The following NR5A2 variants were observed in gnomAD, a reference collection of about 807,000 sequenced individuals.
NR5A2 encodes the protein nuclear receptor subfamily 5 group A member 2.
In NR5A2, 26 loss-of-function variants were observed where a neutral mutation model predicts 62.7. The ratio of observed to expected loss-of-function variants is 0.41; its 90% CI spans 0.30 to 0.58. NR5A2 has a LOEUF of 0.58. Among genes scored for constraint, NR5A2 ranks in the 20% least tolerant of loss-of-function variants. The pLI is 0.22. For missense variants in NR5A2, 541 were observed against 669.1 expected (o/e 0.81, Z 2.11); for synonymous variants, 246 against 241.7 (o/e 1.02, Z -0.16).
chr1:200,054,347 CT>C (rs200167494), intron 5 of NR5A2, among the ~76,000 whole-genome samples: 6 of 148,452 alleles, frequency 4.0e-5, no homozygotes, highest in East Asian at 1.9e-4. Context: ...AGAAGATTGG[CT>C]TTTTTTTTCA....
intron 2 of NR5A2, among the ~76,000 whole-genome samples, chr1:200,040,708 G>T (rs1364746669): frequency 6.6e-6 from 1 of 152,228 alleles, no homozygotes. Context: ...ATCCCGGAAC[G>T]CTTCCTGCCA....
At chr1:200,114,705 G>A (rs1364310068) in intron 6 of NR5A2, among the ~76,000 whole-genome samples, 1 of 152,156 alleles carries the variant, frequency 6.6e-6, no homozygotes, top group African/African-American at 2.4e-5. Context: ...TGACATTTAT[G>A]GAGTCAACAA....
chr1:200,069,594 T>C (rs999337319), intron 5 of NR5A2, among the ~76,000 whole-genome samples: 1 of 152,214 alleles, frequency 6.6e-6, no homozygotes, highest in South Asian at 2.1e-4. Flanking sequence ...GTATTGCATA[T>C]AGATACAAGT....
Position 200,048,358 on chromosome 1 carries a change from A to G in NR5A2, c.650A>G (p.His217Arg). The G allele has an allele frequency of 6.2e-7, 1 of 1,613,612 alleles. No individual in the cohort carries two copies. The highest frequency in any genetic ancestry group is 8.5e-7 in the Non-Finnish European group (1 of 1,179,888). ...ATTTCCTCTGCAATTCAAAACATCC[A>G]CTCTGCCTCCAAAGGCCTACCTCTG... ...LTISSAIQNI[H>R]SASKGLPLNH... The change falls in exon 5 of 8, where the codon CAC (histidine) becomes CGC (arginine). Residue 217 changes from histidine (H) to arginine (R), a missense_variant. Physicochemically the swap from His to Arg is conservative, Grantham distance 29. Transcript: ENST00000367362. The surrounding 1 kb of genome is among the most constrained non-coding windows in gnomAD (Gnocchi z 4.8).
intron 5 of NR5A2, among the ~76,000 whole-genome samples, chr1:200,101,713 T>C (rs766888849): frequency 3.2e-4 from 49 of 152,214 alleles, no homozygotes; most frequent in Non-Finnish European, 5.4e-4. Context: ...TATGTGGCTA[T>C]ATATGGAAAC....
In NR5A2 at chr1:200,114,182, C is replaced by CAAAA. The variant is rs1189398872; in HGVS notation, c.1230+2866_1230+2869dup. ...TTGGCAACAGAGCAAGACGCCATCT[C>CAAAA]AAAAAAAATAATAGAAAAGAGGTGG... On this transcript the variant is annotated intron_variant, in intron 6 of 7. Coordinates refer to ENST00000367362, the MANE Select transcript of NR5A2 (RefSeq NM_205860.3). Among the ~76,000 whole-genome samples the CAAAA allele has an allele frequency of 9.8e-5, 3 of 30,638 alleles. No individual in the cohort carries two copies. The East Asian group carries it at 0.012, about 123-fold the overall frequency. The allele number at this position is 30,638 out of a possible 152,430, so 20.1% of individuals were successfully genotyped here.
intron 5 of NR5A2, among the ~76,000 whole-genome samples, chr1:200,089,615 G>T (rs746400038): frequency 6.6e-6 from 1 of 152,088 alleles, no homozygotes; most frequent in Non-Finnish European, 1.5e-5. Context: ...GACTATAGGC[G>T]TGTGCCACCA....
chr1:200,168,638 C>A (rs1654026204), intron 7 of NR5A2, among the ~76,000 whole-genome samples: 1 of 152,072 alleles, frequency 6.6e-6, no homozygotes. Context: ...AATTTAAAAT[C>A]TTGAGTTTCA....
chr1:200,110,512 A>G (rs1665892752), intron 5 of NR5A2, among the ~76,000 whole-genome samples: 1 of 152,122 alleles, frequency 6.6e-6, no homozygotes, highest in Non-Finnish European at 1.5e-5. Flanking sequence ...TCAGGAAGAT[A>G]CTTACTGTTC....
intron 6 of NR5A2, among the ~76,000 whole-genome samples, chr1:200,113,087 G>A (rs1188695109): frequency 1.3e-5 from 2 of 152,196 alleles, no homozygotes; most frequent in African/African-American, 4.8e-5. Context: ...AACAATCAAG[G>A]AATGGATGGT....
chr1:200,158,361 G>T (rs1653479172), intron 7 of NR5A2, among the ~76,000 whole-genome samples: 2 of 152,130 alleles, frequency 1.3e-5, no homozygotes, highest in Admixed American at 1.3e-4. Context: ...GTAGATGCAA[G>T]GGGTTTAATA....
At chr1:200,137,260 C>G (rs1037066187) in intron 7 of NR5A2, among the ~76,000 whole-genome samples, 2 of 152,042 alleles carry the variant, frequency 1.3e-5, no homozygotes, top group African/African-American at 2.4e-5. Context: ...AAGCAGTTCT[C>G]CTGCCTCAGC....
chr1:200,089,577 C>T (rs904468496), intron 5 of NR5A2, among the ~76,000 whole-genome samples: 3 of 152,226 alleles, frequency 2.0e-5, no homozygotes, highest in African/African-American at 7.2e-5. Flanking sequence ...TCAAGCTACT[C>T]TTGTGCCTCA....
intron 5 of NR5A2, among the ~76,000 whole-genome samples, chr1:200,099,824 C>T (rs1192946953): frequency 6.6e-6 from 1 of 152,130 alleles, no homozygotes; most frequent in African/African-American, 2.4e-5. Flanking sequence ...GATCTCCTGA[C>T]CTCGTGATCC....
intron 7 of NR5A2, among the ~76,000 whole-genome samples, chr1:200,141,460 G>T (rs539951574): frequency 1.2e-4 from 18 of 152,282 alleles, no homozygotes; most frequent in African/African-American, 4.3e-4. Context: ...TTATGATTGT[G>T]TAGTGTTCTT....
chr1:200,087,979 G>C (rs1044375467), intron 5 of NR5A2, among the ~76,000 whole-genome samples: 1 of 152,142 alleles, frequency 6.6e-6, no homozygotes, highest in Non-Finnish European at 1.5e-5. Flanking sequence ...TTGAACTCCT[G>C]ATCGTAGGTG....
intron 6 of NR5A2, among the ~76,000 whole-genome samples, chr1:200,118,986 G>A (rs1219787196): frequency 6.6e-6 from 1 of 152,218 alleles, no homozygotes; most frequent in East Asian, 1.9e-4. Flanking sequence ...GCCAGCACCT[G>A]GCTAAAGCAG....
intron 7 of NR5A2, among the ~76,000 whole-genome samples, chr1:200,149,557 C>T (rs1182956819): frequency 6.6e-6 from 1 of 152,172 alleles, no homozygotes; most frequent in African/African-American, 2.4e-5. Flanking sequence ...CACGTATTCC[C>T]CTCAACACGC....
In NR5A2 at chr1:200,167,605, C is replaced by G. The variant is rs115641578; in HGVS notation, c.1379-6358C>G. 5.3e-3 allele frequency among the ~76,000 whole-genome samples: 804 copies of G among 152,294 alleles called. 5 individuals are homozygous for G. Among genetic ancestry groups the G allele is most frequent in the African/African-American group, 0.016 (647 of 41,546 alleles). ...CAGAAAGCTGACCATTTCCCTCTTT[C>G]CTAAAACCATTCAGTGTTTCTGCCT... On this transcript the variant is annotated intron_variant, in intron 7 of 7. Coordinates refer to ENST00000367362, the MANE Select transcript of NR5A2 (RefSeq NM_205860.3).
Sources: allele counts gnomAD v4.1 joint callset (sites outside exome capture counted in the v4.1 genomes callset), GRCh38; gene constraint gnomAD v4.1.1; non-coding constraint Gnocchi (gnomAD v3.1); transcripts MANE v1.5; gene names NCBI Gene and HGNC (gene_info 2026-07-23, HGNC 2026-07-21).